Variants in STXBP6 observed in about 807,000 individuals in gnomAD.
The protein encoded by STXBP6 is syntaxin-binding protein 6.
Under a neutral mutation model 26.9 loss-of-function variants are expected in STXBP6, and 21 were observed. The observed-to-expected ratio is 0.78, with a 90% CI of 0.55 to 1.12. The LOEUF (loss-of-function observed/expected upper bound fraction) is 1.12. STXBP6 is among the 50% of genes most tolerant of loss of function. The pLI, the probability that STXBP6 is intolerant of heterozygous loss-of-function variation, is 0.00. For synonymous variants in STXBP6, 97 were observed against 92.6 expected, an observed-to-expected ratio of 1.05 and a Z score of -0.27; for missense variants, 232 against 257.9, an observed-to-expected ratio of 0.90 and a Z score of 0.69.
intron 1 of STXBP6, among the ~76,000 whole-genome samples, chr14:25,044,633 T>G (rs967129175): frequency 6.6e-6 from 1 of 152,238 alleles, no homozygotes; most frequent in Non-Finnish European, 1.5e-5. Context: ...GTTTTGTTTT[T>G]GGGACAGGAT....
intron 1 of STXBP6, among the ~76,000 whole-genome samples, chr14:24,987,399 C>G (rs967397311): frequency 4.6e-5 from 7 of 152,216 alleles, no homozygotes; most frequent in Admixed American, 4.6e-4. Context: ...ATAGTACCAC[C>G]CACTTCCTAG....
chr14:24,927,626 T>C (rs2072226146), intron 2 of STXBP6, among the ~76,000 whole-genome samples: 1 of 152,222 alleles, frequency 6.6e-6, no homozygotes, highest in African/African-American at 2.4e-5. Context: ...CTTCTGACGT[T>C]GTCTTTTTCT....
chr14:24,879,614 A>G (rs1566438253), intron 2 of STXBP6, among the ~76,000 whole-genome samples: 2 of 152,204 alleles, frequency 1.3e-5, no homozygotes, highest in Non-Finnish European at 2.9e-5. Context: ...TTATGGTCCT[A>G]AACCAATTAT....
intron 2 of STXBP6, among the ~76,000 whole-genome samples, chr14:24,928,147 C>G (rs964046765): frequency 3.3e-5 from 5 of 152,174 alleles, no homozygotes; most frequent in Non-Finnish European, 7.3e-5. Flanking sequence ...CCTCTTCTCA[C>G]TTTCCTTAGG....
At chr14:25,038,358 T>C (rs1296741918) in intron 1 of STXBP6, among the ~76,000 whole-genome samples, 2 of 152,162 alleles carry the variant, frequency 1.3e-5, no homozygotes, top group Non-Finnish European at 2.9e-5. Context: ...TCAGCAGTTG[T>C]AGACACACAC....
intron 1 of STXBP6, among the ~76,000 whole-genome samples, chr14:24,992,179 T>C (rs2074491309): frequency 6.6e-6 from 1 of 152,214 alleles, no homozygotes; most frequent in Non-Finnish European, 1.5e-5. Flanking sequence ...CTTCAATGCA[T>C]AGATCCATCT....
At chr14:24,874,948 C>T (rs2070080970) in intron 2 of STXBP6, among the ~76,000 whole-genome samples, 1 of 152,160 alleles carries the variant, frequency 6.6e-6, no homozygotes, top group Admixed American at 6.5e-5. Context: ...CCTATCATTC[C>T]TCGCCTGCTC....
intron 2 of STXBP6, among the ~76,000 whole-genome samples, chr14:24,926,218 A>G (rs1173799855): frequency 6.6e-6 from 1 of 152,166 alleles, no homozygotes; most frequent in South Asian, 2.1e-4. Flanking sequence ...CCTGGTGAAG[A>G]AAAGGGAAAA....
intron 2 of STXBP6, among the ~76,000 whole-genome samples, chr14:24,904,506 G>C (rs1321234597): frequency 6.6e-6 from 1 of 152,148 alleles, no homozygotes; most frequent in Non-Finnish European, 1.5e-5. Flanking sequence ...ACTAAAGTGT[G>C]TCCCCCCAAA....
chr14:24,937,507 T>C lies in STXBP6; in HGVS notation c.154+37158A>G, dbSNP rs527946082. ...GAAGTGATGACAATATGAGCAGTTA[T>C]GCCCAATCTGCACAGGCAATCACAA... On this transcript the variant is annotated intron_variant, in intron 2 of 5. Transcript: ENST00000323944. Among the ~76,000 whole-genome samples the C allele has an allele frequency of 1.4e-4, 22 of 152,348 alleles. No homozygotes were observed. In the South Asian group the frequency reaches 4.2e-3, roughly 29 times the overall value.
chr14:25,008,548 T>G (rs1214096389), intron 1 of STXBP6, among the ~76,000 whole-genome samples: 1 of 152,234 alleles, frequency 6.6e-6, no homozygotes, highest in Non-Finnish European at 1.5e-5. Context: ...AAAGACTCAC[T>G]GAATGTTATA....
At chr14:24,897,226 C>T (rs370752729) in intron 2 of STXBP6, among the ~76,000 whole-genome samples, 15 of 151,724 alleles carry the variant, frequency 9.9e-5, no homozygotes, top group South Asian at 4.2e-4. Flanking sequence ...CTGGCTAACA[C>T]GGTGAAACCC....
chr14:25,049,916 G>C lies in STXBP6; in HGVS notation c.-71C>G. The stretch of plus-strand genomic sequence containing the variant: ...TCGCGCCCCTGCCGTGCCAGTGCGC[G>C]GCACGCGTCCCAGAGCACGAGGCTC... On this transcript the variant is annotated 5_prime_UTR_variant, in exon 1 of 6. Transcript: ENST00000323944. The surrounding 1 kb of genome is among the most constrained non-coding windows in gnomAD (Gnocchi z 5.6). 3.7e-5 allele frequency: 36 copies of C among 977,642 alleles called. No homozygotes were observed. The highest frequency in any genetic ancestry group is 4.4e-5 in the Non-Finnish European group (36 of 823,006). The allele number at this position is 977,642 out of a possible 1,614,324, so 60.6% of individuals were successfully genotyped here. A position where few individuals can be genotyped will look rare whatever the true frequency, so the allele number is the denominator to read the frequency against.
At chr14:25,042,366 G>A (rs1295693308) in intron 1 of STXBP6, among the ~76,000 whole-genome samples, 1 of 152,214 alleles carries the variant, frequency 6.6e-6, no homozygotes, top group African/African-American at 2.4e-5. Flanking sequence ...GCAGAGGCTG[G>A]TGAGGGCAAG....
intron 2 of STXBP6, among the ~76,000 whole-genome samples, chr14:24,883,044 G>A (rs2070432046): frequency 6.6e-6 from 1 of 152,100 alleles, no homozygotes; most frequent in African/African-American, 2.4e-5. Context: ...GCATTCTGTT[G>A]TATTTTCACA....
At chr14:24,897,117 A>G (rs982242001) in intron 2 of STXBP6, among the ~76,000 whole-genome samples, 2 of 152,160 alleles carry the variant, frequency 1.3e-5, no homozygotes, top group African/African-American at 4.8e-5. Flanking sequence ...TGGAAACCAA[A>G]AGATTTTTTT....
intron 2 of STXBP6, among the ~76,000 whole-genome samples, chr14:24,884,899 A>C (rs1406612763): frequency 6.6e-6 from 1 of 152,162 alleles, no homozygotes; most frequent in Non-Finnish European, 1.5e-5. Context: ...GTCACATGAG[A>C]AATAAATATT....
rs2068846965 is a variant in STXBP6 at position 24,843,544 on chromosome 14, G to A, written c.451+12392C>T. On this transcript the variant is annotated intron_variant, in intron 4 of 5. Transcript: ENST00000323944. ...GTACTCCCTATGCACCATGCTATAT[G>A]TTTTATATATGATCTTGTTAAATCC... Among the ~76,000 whole-genome samples the A allele has an allele frequency of 2.0e-5, 3 of 152,288 alleles. No individual in the cohort carries two copies. The South Asian group carries it at 6.2e-4, about 32-fold the overall frequency.
intron 1 of STXBP6, among the ~76,000 whole-genome samples, chr14:25,008,039 G>GCTGGCA (rs1289781023): frequency 6.6e-6 from 1 of 152,180 alleles, no homozygotes; most frequent in African/African-American, 2.4e-5. Context: ...GGCTCTGTCA[G>GCTGGCA]CTGGCACTGG....
Sources: allele counts gnomAD v4.1 joint callset (sites outside exome capture counted in the v4.1 genomes callset), GRCh38; gene constraint gnomAD v4.1.1; non-coding constraint Gnocchi (gnomAD v3.1); transcripts MANE v1.5; gene names NCBI Gene and HGNC (gene_info 2026-07-23, HGNC 2026-07-21).